KRCC1: variants seen among roughly 807,000 people sequenced by gnomAD.
KRCC1 encodes lysine rich coiled-coil 1, also known as lysine-rich coiled-coil protein 1.
KRCC1 carries 3 observed loss-of-function variants against 7.4 expected under a neutral mutation model. The ratio of observed to expected loss-of-function variants is 0.40; its 90% confidence interval spans 0.18 to 1.04. The LOEUF (loss-of-function observed/expected upper bound fraction) is 1.04. Ranked by LOEUF, KRCC1 falls within the 50% of genes least tolerant of loss-of-function variation. The pLI, the probability that KRCC1 is intolerant of heterozygous loss-of-function variation, is 0.33. For missense variants in KRCC1, 277 were observed against 300.9 expected (o/e 0.92, Z 0.59); for synonymous variants, 102 against 101.6 (o/e 1.00, Z -0.02).
intron 1 of KRCC1, among the ~76,000 whole-genome samples, chr2:88,038,696 T>C (rs1404660208): frequency 6.6e-6 from 1 of 152,196 alleles, no homozygotes; most frequent in Non-Finnish European, 1.5e-5. Flanking sequence ...CTTACAGTCA[T>C]GGTGGAAGGT....
intron 3 of KRCC1, among the ~76,000 whole-genome samples, chr2:88,032,600 A>G (rs1257517445): frequency 6.6e-6 from 1 of 152,254 alleles, no homozygotes; most frequent in Non-Finnish European, 1.5e-5. Context: ...ATACAAAGAC[A>G]TGAATGTTCA....
At chr2:88,044,831 A>C (rs542048797) in intron 1 of KRCC1, among the ~76,000 whole-genome samples, 11 of 152,048 alleles carry the variant, frequency 7.2e-5, no homozygotes, top group African/African-American at 2.7e-4. Flanking sequence ...AAAATGTCAA[A>C]TGGTACAATA....
At position 88,044,693 on chromosome 2, in the gene KRCC1, A is replaced by G. The variant is rs576957652; in HGVS notation, c.-290-7642T>C. On this transcript the variant is annotated intron_variant, in intron 1 of 3. Coordinates refer to ENST00000347055, the MANE Select transcript of KRCC1 (RefSeq NM_016618.3). ...ACTGAAAAGAGCCATGCTGTCTAGT[A>G]AAAAAATAAAAATAAAAATAAATGA... Among the ~76,000 whole-genome samples the G allele has an allele frequency of 7.2e-5, 11 of 152,166 alleles. No individual in the cohort carries two copies. The South Asian group carries it at 2.3e-3, about 32-fold the overall frequency.
At chr2:88,051,714 C>T (rs1423954125) in intron 1 of KRCC1, among the ~76,000 whole-genome samples, 1 of 152,188 alleles carries the variant, frequency 6.6e-6, no homozygotes, top group African/African-American at 2.4e-5. Context: ...CTCTGAATGT[C>T]ATCTGAGATT....
intron 2 of KRCC1, among the ~76,000 whole-genome samples, chr2:88,035,526 G>C (rs1405368517): frequency 6.6e-6 from 1 of 152,018 alleles, no homozygotes; most frequent in African/African-American, 2.4e-5. Context: ...GATGATCATG[G>C]AACTGTCCTA....
At chr2:88,050,736 CAA>C (rs1243767683) in intron 1 of KRCC1, among the ~76,000 whole-genome samples, 1 of 152,158 alleles carries the variant, frequency 6.6e-6, no homozygotes, top group East Asian at 1.9e-4. Context: ...TTTTAACTGT[CAA>C]AAGTGTTTGA....
At chr2:88,044,991 T>C (rs980010759) in intron 1 of KRCC1, among the ~76,000 whole-genome samples, 1 of 151,288 alleles carries the variant, frequency 6.6e-6, no homozygotes, top group Non-Finnish European at 1.5e-5. Context: ...CCTGAGTAGA[T>C]GGACTATGGG....
At position 88,032,366 on chromosome 2, in the gene KRCC1, T is replaced by C. The variant is rs142527372; in HGVS notation, c.-23+1768A>G. On this transcript the variant is annotated intron_variant, in intron 3 of 3. Transcript: ENST00000347055. ...TTTTTACTGTGTCTTTTTGTTTAGA[T>C]AGGTTTAGATACACAAACACTTACT... Among the ~76,000 whole-genome samples the C allele has an allele frequency of 5.3e-3, 811 of 152,276 alleles. 5 individuals are homozygous for C. Among genetic ancestry groups the C allele is most frequent in the African/African-American group, 0.019 (777 of 41,572 alleles).
At chr2:88,043,970 C>G (rs924549924) in intron 1 of KRCC1, among the ~76,000 whole-genome samples, 6 of 152,142 alleles carry the variant, frequency 3.9e-5, no homozygotes, top group African/African-American at 1.2e-4. Flanking sequence ...CCACTGCGCC[C>G]GGCCTCACGT....
intron 1 of KRCC1, among the ~76,000 whole-genome samples, chr2:88,049,375 AG>A (rs1375520306): frequency 3.9e-5 from 6 of 152,164 alleles, no homozygotes; most frequent in African/African-American, 1.4e-4. Flanking sequence ...GTTTGTAAGA[AG>A]GGGGAAGCGT....
chr2:88,028,333 A>T lies in KRCC1; in HGVS notation c.231T>A (p.Ile77=). 1 of 1,614,132 alleles carries T rather than the reference A, an allele frequency of 6.2e-7. No individual in the cohort carries two copies. The highest frequency in any genetic ancestry group is 8.5e-7 in the Non-Finnish European group (1 of 1,180,032). Residue 77 remains isoleucine (I), a synonymous_variant, in exon 4 of 4, where the codon ATT becomes ATA. Coordinates refer to ENST00000347055, the MANE Select transcript of KRCC1 (RefSeq NM_016618.3). The stretch of plus-strand genomic sequence containing the variant: ...GCAACCGATTTTCCACTGTTTGTGG[A>T]ATATTGCATGATCTTGGGTAGGTCT... The part of the protein sequence containing the change: ...TIQTYPRSCN[I]PQTVENRLPQ...
intron 1 of KRCC1, among the ~76,000 whole-genome samples, chr2:88,053,834 T>C (rs1328031939): frequency 6.6e-6 from 1 of 152,176 alleles, no homozygotes; most frequent in Non-Finnish European, 1.5e-5. Flanking sequence ...TTTTATGGGG[T>C]TATATTTATA....
At chr2:88,037,837 T>C (rs1267963249) in intron 1 of KRCC1, among the ~76,000 whole-genome samples, 1 of 152,250 alleles carries the variant, frequency 6.6e-6, no homozygotes, top group African/African-American at 2.4e-5. Context: ...TATTAGCTTC[T>C]ACAACTTTTG....
intron 1 of KRCC1, among the ~76,000 whole-genome samples, chr2:88,054,645 T>G (rs1673572136): frequency 1.3e-5 from 2 of 152,038 alleles, no homozygotes; most frequent in Admixed American, 6.6e-5. Context: ...ACTTGAGCCC[T>G]CTCTTCCCAC....
intron 1 of KRCC1, among the ~76,000 whole-genome samples, chr2:88,043,742 G>A (rs932040256): frequency 3.3e-5 from 5 of 152,252 alleles, no homozygotes; most frequent in South Asian, 2.1e-4. Flanking sequence ...CCATCTTGGC[G>A]CACTGCAATC....
chr2:88,033,120 G>A (rs1194797168), intron 3 of KRCC1, among the ~76,000 whole-genome samples: 1 of 152,184 alleles, frequency 6.6e-6, no homozygotes, highest in East Asian at 1.9e-4. Context: ...TATCTTGATT[G>A]TGGTGATCCT....
At chr2:88,041,234 A>G (rs1053327546) in intron 1 of KRCC1, among the ~76,000 whole-genome samples, 1 of 152,218 alleles carries the variant, frequency 6.6e-6, no homozygotes. Flanking sequence ...GGAAGAGCAG[A>G]TAGACGGGAG....
intron 2 of KRCC1, among the ~76,000 whole-genome samples, chr2:88,036,048 T>C (rs1673084226): frequency 1.3e-5 from 2 of 152,200 alleles, no homozygotes; most frequent in South Asian, 4.1e-4. Context: ...TATGGTACTT[T>C]AATCTCAACC....
chr2:88,051,509 A>G (rs918865728), intron 1 of KRCC1, among the ~76,000 whole-genome samples: 1 of 152,224 alleles, frequency 6.6e-6, no homozygotes, highest in Admixed American at 6.5e-5. Flanking sequence ...ACATACCTAA[A>G]ATAAAAATAT....
Sources: gnomAD v4.1 joint callset for allele counts (sites outside exome capture counted in the v4.1 genomes callset) on GRCh38, gnomAD v4.1.1 for gene constraint, MANE v1.5 for transcripts, NCBI Gene and HGNC (gene_info 2026-07-23, HGNC 2026-07-21) for gene names.